Variants in PCDH11X observed in about 807,000 individuals in gnomAD.
PCDH11X encodes the protein protocadherin-11 X-linked.
PCDH11X carries 18 observed loss-of-function variants against 53.3 expected under a neutral mutation model. The ratio of observed to expected loss-of-function variants is 0.34; its 90% CI spans 0.23 to 0.50. PCDH11X has a LOEUF of 0.50. Among genes scored for constraint, PCDH11X ranks in the 20% least tolerant of loss-of-function variants. PCDH11X has a pLI of 0.98. For missense variants in PCDH11X, 570 were observed against 1,032.4 expected (o/e 0.55, Z 6.14); for synonymous variants, 279 against 393.3 (o/e 0.71, Z 3.44).
intron 9 of PCDH11X, among the ~76,000 whole-genome samples, chrX:92,466,682 T>A (rs1371454908): frequency 1.8e-5 from 2 of 110,186 alleles, no homozygotes; most frequent in Admixed American, 2.0e-4. Context: ...TTGAATAAGT[T>A]GTTAAAATGT....
At chrX:92,520,933 A>G (rs1297180354) in intron 10 of PCDH11X, among the ~76,000 whole-genome samples, 1 of 111,686 alleles carries the variant, frequency 9.0e-6, no homozygotes, top group African/African-American at 3.3e-5. Context: ...ATGAGATTGG[A>G]GCAATTCAGT....
At chrX:92,289,430 T>G (rs1437732476) in intron 8 of PCDH11X, among the ~76,000 whole-genome samples, 1 of 112,109 alleles carries the variant, frequency 8.9e-6, no homozygotes, top group African/African-American at 3.2e-5. Context: ...ATCATAAAAT[T>G]AAATAACTGT....
chrX:92,404,040 G>A (rs1204062765), intron 9 of PCDH11X, among the ~76,000 whole-genome samples: 2 of 108,150 alleles, frequency 1.8e-5, no homozygotes, highest in African/African-American at 6.8e-5. Context: ...AATTCTTTTG[G>A]ATAAAAGAAA....
chrX:92,506,555 C>A (rs2208236), intron 10 of PCDH11X, among the ~76,000 whole-genome samples: 28,445 of 102,391 alleles, frequency 0.28, 3,925 homozygotes, highest in Non-Finnish European at 0.35. Context: ...CCATATGTTG[C>A]AACAACTTTG....
At chrX:91,860,909 T>C (rs1938626466) in intron 5 of PCDH11X, among the ~76,000 whole-genome samples, 1 of 112,140 alleles carries the variant, frequency 8.9e-6, no homozygotes, top group African/African-American at 3.2e-5. Flanking sequence ...ATTAAAGATA[T>C]TGGCCTGAAG....
rs141658883 is a variant in PCDH11X, at chrX:92,556,178, A to G, written c.3368-62086A>G. 6.6e-3 allele frequency among the ~76,000 whole-genome samples: 732 copies of G among 111,022 alleles called. 1 individual carries two copies. Among genetic ancestry groups the G allele is most frequent in the African/African-American group, 0.023 (706 of 30,446 alleles). ...AATTCAAGATAAGATTTGGGTGGAG[A>G]CACAGCCAAACCACACAATTCCACC... On this transcript the variant is annotated intron_variant, in intron 10 of 10. Coordinates refer to ENST00000682573, the MANE Select transcript of PCDH11X (RefSeq NM_032968.5).
intron 8 of PCDH11X, among the ~76,000 whole-genome samples, chrX:92,295,739 T>TTGTGTGTGTGTGTGTGTG (rs58402010): frequency 1.4e-5 from 1 of 71,552 alleles, no homozygotes; most frequent in African/African-American, 4.9e-5. Context: ...ACAGGTGTGT[T>TTGTGTGTGTGTGTGTGTG]TGTGTGTGTG....
chrX:92,189,762 T>C (rs916168814), intron 6 of PCDH11X, among the ~76,000 whole-genome samples: 1 of 112,048 alleles, frequency 8.9e-6, no homozygotes, highest in Non-Finnish European at 1.9e-5. Context: ...CCATTGTAAC[T>C]GGCGTGACAT....
intron 7 of PCDH11X, among the ~76,000 whole-genome samples, chrX:92,237,162 T>A (rs912044347): frequency 9.0e-5 from 10 of 111,441 alleles, no homozygotes; most frequent in African/African-American, 3.2e-4. Context: ...GTGGTTTTTT[T>A]AAAGTATATT....
chrX:91,956,509 C>T (rs1169562379), intron 6 of PCDH11X, among the ~76,000 whole-genome samples: 23 of 109,165 alleles, frequency 2.1e-4, no homozygotes, highest in Admixed American at 4.9e-4. Context: ...CCTTCACTTA[C>T]GAAATGTAGT....
intron 8 of PCDH11X, among the ~76,000 whole-genome samples, chrX:92,266,604 AAAG>A (rs2067836332): frequency 8.9e-6 from 1 of 112,191 alleles, no homozygotes; most frequent in East Asian, 2.8e-4. Context: ...TCACAGCAGA[AAAG>A]AAGCAAATGC....
intron 6 of PCDH11X, among the ~76,000 whole-genome samples, chrX:92,071,182 T>A (rs2063697394): frequency 9.1e-6 from 1 of 109,764 alleles, no homozygotes; most frequent in Non-Finnish European, 1.9e-5. Flanking sequence ...TTTTTATTCT[T>A]TTTTCTTTTG....
At chrX:92,092,590 G>A (rs2064066836) in intron 6 of PCDH11X, among the ~76,000 whole-genome samples, 1 of 111,252 alleles carries the variant, frequency 9.0e-6, no homozygotes, top group South Asian at 3.9e-4. Flanking sequence ...GACTCCAGGG[G>A]AGAGAGCTTC....
intron 8 of PCDH11X, among the ~76,000 whole-genome samples, chrX:92,361,701 T>G (rs1212357195): frequency 9.3e-6 from 1 of 107,797 alleles, no homozygotes; most frequent in Non-Finnish European, 1.9e-5. Context: ...AGTTTTTAAG[T>G]ATACAGTTCA....
At chrX:92,210,404 AATTTTTTTGT>A (rs1466636993) in intron 7 of PCDH11X, among the ~76,000 whole-genome samples, 1 of 98,321 alleles carries the variant, frequency 1.0e-5, no homozygotes, top group African/African-American at 3.5e-5. Context: ...ATGCCTGGCT[AATTTTTTTGT>A]ATTTTTAATA....
At chrX:92,007,919 AG>A (rs1258246999) in intron 6 of PCDH11X, among the ~76,000 whole-genome samples, 1 of 110,743 alleles carries the variant, frequency 9.0e-6, no homozygotes, top group African/African-American at 3.3e-5. Context: ...CTTCTGGCCC[AG>A]GGTGTGTCTA....
intron 8 of PCDH11X, among the ~76,000 whole-genome samples, chrX:92,378,845 C>T (rs1244867004): frequency 8.0e-5 from 9 of 113,125 alleles, no homozygotes; most frequent in African/African-American, 2.9e-4. Context: ...GATGCCATCA[C>T]ATTAGTGATT....
At chrX:92,052,783 A>T (rs1232911993) in intron 6 of PCDH11X, among the ~76,000 whole-genome samples, 1 of 101,448 alleles carries the variant, frequency 9.9e-6, no homozygotes, top group African/African-American at 3.6e-5. Context: ...TTATTCTCTG[A>T]AAATATAGCA....
intron 6 of PCDH11X, among the ~76,000 whole-genome samples, chrX:92,086,689 A>G (rs1255938946): frequency 1.8e-5 from 2 of 111,061 alleles, no homozygotes; most frequent in African/African-American, 6.6e-5. Context: ...TAAAAATACG[A>G]AACTTTTTTT....
Sources: gnomAD v4.1 joint callset for allele counts (sites outside exome capture counted in the v4.1 genomes callset) on GRCh38, gnomAD v4.1.1 for gene constraint, MANE v1.5 for transcripts, NCBI Gene and HGNC (gene_info 2026-07-23, HGNC 2026-07-21) for gene names.